HACD3: variants seen among roughly 807,000 people sequenced by gnomAD.
HACD3 encodes very-long-chain (3R)-3-hydroxyacyl-CoA dehydratase 3.
In HACD3, 30 loss-of-function variants were observed where a neutral mutation model predicts 55.2. That is an observed-to-expected ratio of 0.54 (90% CI 0.41 to 0.74). The LOEUF is 0.74. Among genes scored for constraint, HACD3 ranks in the 30% least tolerant of loss-of-function variants. HACD3 has a pLI of 0.00. For synonymous variants in HACD3, 141 were observed against 151.7 expected, an observed-to-expected ratio of 0.93 and a Z score of 0.52; for missense variants, 363 against 440.1, an observed-to-expected ratio of 0.82 and a Z score of 1.57.
chr15:65,561,672 C>T (rs140343781), intron 5 of HACD3, among the ~76,000 whole-genome samples: 1 of 152,218 alleles, frequency 6.6e-6, no homozygotes, highest in Non-Finnish European at 1.5e-5. Context: ...GTTTTTTCCC[C>T]CACATACCAA....
intron 1 of HACD3, among the ~76,000 whole-genome samples, chr15:65,538,853 C>G (rs1293080077): frequency 6.6e-6 from 1 of 152,206 alleles, no homozygotes; most frequent in African/African-American, 2.4e-5. Flanking sequence ...TGAGGCAGGA[C>G]CCGCCACCAG....
intron 3 of HACD3, among the ~76,000 whole-genome samples, chr15:65,555,508 C>T (rs1218635977): frequency 6.6e-6 from 1 of 152,176 alleles, no homozygotes; most frequent in Non-Finnish European, 1.5e-5. Flanking sequence ...GGGAGAGAAT[C>T]CAATAGATGG....
At position 65,530,581 on chromosome 15, in the gene HACD3, G is replaced by A; in HGVS notation, c.-51G>A. On this transcript the variant is annotated 5_prime_UTR_variant, in exon 1 of 11. Coordinates refer to ENST00000261875, the MANE Select transcript of HACD3 (RefSeq NM_016395.4). ...CTCGCGCCAGCAGAGCACTACCTGA[G>A]GCAGCGAGGCGCAGCGAGCCTAGCC... 3 of 1,500,472 alleles carry A rather than the reference G, an allele frequency of 2.0e-6. No homozygotes were observed. The highest frequency in any genetic ancestry group is 2.7e-6 in the Non-Finnish European group (3 of 1,104,682). 92.9% of individuals were successfully genotyped at this position (1,500,472 alleles called of 1,614,324 possible).
chr15:65,535,798 C>T (rs970864956), intron 1 of HACD3: 8 of 651,750 alleles, frequency 1.2e-5, no homozygotes, highest in East Asian at 2.9e-5. Context: ...TGGGTTTGAG[C>T]AGTCCTCCTG....
chr15:65,531,381 C>G (rs1360009806), intron 1 of HACD3: 1 of 152,284 alleles, frequency 6.6e-6, no homozygotes, highest in Admixed American at 6.5e-5. Flanking sequence ...TTAAAAAGTT[C>G]TTAAGTTACA....
chr15:65,549,197 T>C (rs2072106770), intron 1 of HACD3, among the ~76,000 whole-genome samples: 1 of 152,160 alleles, frequency 6.6e-6, no homozygotes, highest in South Asian at 2.1e-4. Context: ...TCAGATAAGC[T>C]GAACGTGGAA....
At chr15:65,533,270 G>A (rs2071920230) in intron 1 of HACD3, among the ~76,000 whole-genome samples, 1 of 152,184 alleles carries the variant, frequency 6.6e-6, no homozygotes, top group African/African-American at 2.4e-5. Context: ...TATAGGATTT[G>A]GGTGTTGGTG....
At chr15:65,559,159 G>A (rs970307880) in intron 5 of HACD3, among the ~76,000 whole-genome samples, 4 of 152,216 alleles carry the variant, frequency 2.6e-5, no homozygotes, top group Non-Finnish European at 5.9e-5. Flanking sequence ...AGTATTCTGT[G>A]TAGTCCTGCT....
At chr15:65,552,614 G>A (rs867034698) in intron 2 of HACD3, among the ~76,000 whole-genome samples, 20 of 151,796 alleles carry the variant, frequency 1.3e-4, no homozygotes, top group African/African-American at 4.8e-4. Context: ...GGGATTATAG[G>A]CGTGAGCCAC....
chr15:65,543,759 C>T (rs971653320), intron 1 of HACD3, among the ~76,000 whole-genome samples: 4 of 152,134 alleles, frequency 2.6e-5, no homozygotes, highest in Non-Finnish European at 4.4e-5. Flanking sequence ...AAAAGCTACA[C>T]GGTCATGTCA....
chr15:65,543,902 C>T (rs954328048), intron 1 of HACD3, among the ~76,000 whole-genome samples: 5 of 152,132 alleles, frequency 3.3e-5, no homozygotes, highest in South Asian at 2.1e-4. Context: ...GTCGGCGGGG[C>T]GTGGTGGATC....
rs562323606 is a variant in HACD3, at chr15:65,544,049, C to T, written c.88-7627C>T. ...AAAATTACCCGGGCCTGGTGGTGGG[C>T]GCCTGTAGTCCCAGCTACTCGGGAG... On this transcript the variant is annotated intron_variant, in intron 1 of 10. Transcript: ENST00000261875. Among the ~76,000 whole-genome samples the T allele has an allele frequency of 2.0e-4, 31 of 152,120 alleles. 2 individuals carry two copies. The South Asian group carries it at 5.6e-3, about 27-fold the overall frequency.
chr15:65,554,846 T>C, intron 2 of HACD3, 41 bp from the exon 3 acceptor site: 2 of 1,471,536 alleles, frequency 1.4e-6, no homozygotes, highest in Non-Finnish European at 1.9e-6. Context: ...ATGGCCTTGC[T>C]CTGCTCAAGT....
chr15:65,560,345 C>A (rs1361995719), intron 5 of HACD3, among the ~76,000 whole-genome samples: 6 of 152,206 alleles, frequency 3.9e-5, no homozygotes, highest in African/African-American at 1.4e-4. Flanking sequence ...TTTGACTCAA[C>A]AATGACTCTG....
At chr15:65,539,012 A>G (rs2456014) in intron 1 of HACD3, among the ~76,000 whole-genome samples, 151,404 of 152,308 alleles carry the variant, frequency 0.99, 75,259 homozygotes, top group Middle Eastern at 1. Context: ...ACATTTATAT[A>G]TACTGGGAAA....
At chr15:65,557,325 A>C (rs2141216928) in intron 4 of HACD3, among the ~76,000 whole-genome samples, 1 of 152,288 alleles carries the variant, frequency 6.6e-6, no homozygotes. Context: ...AATACAAAAA[A>C]TTAGCCGGGC....
intron 1 of HACD3, chr15:65,535,602 C>T: frequency 2.5e-6 from 1 of 399,602 alleles, no homozygotes; most frequent in East Asian, 3.6e-5. Flanking sequence ...TTTAGTGTCT[C>T]TGTGTTGTAT....
chr15:65,572,120 G>A, intron 9 of HACD3, 115 bp from the exon 10 acceptor site: 1 of 1,365,012 alleles, frequency 7.3e-7, no homozygotes, highest in Non-Finnish European at 1.0e-6. Context: ...AAAGGGAGGA[G>A]AAAGCCTTTC....
chr15:65,557,203 C>T (rs751510822), intron 4 of HACD3, among the ~76,000 whole-genome samples: 2 of 152,156 alleles, frequency 1.3e-5, no homozygotes, highest in South Asian at 2.1e-4. Flanking sequence ...CGGCCGGGCA[C>T]GGTGGCTCAC....
Sources: gnomAD v4.1 joint callset for allele counts (sites outside exome capture counted in the v4.1 genomes callset) on GRCh38, gnomAD v4.1.1 for gene constraint, MANE v1.5 for transcripts, NCBI Gene and HGNC (gene_info 2026-07-23, HGNC 2026-07-21) for gene names.